The following AFAP1L1 variants were observed in gnomAD, a reference collection of about 807,000 sequenced individuals.
AFAP1L1 encodes the protein actin filament associated protein 1 like 1.
In AFAP1L1, 77 loss-of-function variants were observed where a neutral mutation model predicts 99.8. That is an observed-to-expected ratio of 0.77 (90% CI 0.64 to 0.93). The LOEUF (loss-of-function observed/expected upper bound fraction) is 0.93, where lower values mean the gene tolerates loss of function less well. AFAP1L1 is among the 40% of genes least tolerant of loss of function. The pLI is 0.00. For missense variants in AFAP1L1, 893 were observed against 996.8 expected (o/e 0.90, Z 1.40); for synonymous variants, 373 against 395.3 (o/e 0.94, Z 0.67).
At position 149,342,640 on chromosome 5, in the gene AFAP1L1, G is replaced by T. The variant is rs1291789709; in HGVS notation, c.*2610G>T. Among the ~76,000 whole-genome samples, 1 of 152,210 alleles carries T rather than the reference G, an allele frequency of 6.6e-6. No individual in the cohort carries two copies. The highest frequency in any genetic ancestry group is 1.5e-5 in the Non-Finnish European group (1 of 68,040). On this transcript the variant is annotated 3_prime_UTR_variant, in exon 19 of 19. Coordinates refer to ENST00000296721, the MANE Select transcript of AFAP1L1 (RefSeq NM_152406.4). ...AAAATGCCTTGTTTAGGCCAGGTAT[G>T]GTGGCTCATGCCTGTAATCCCAGCA...
intron 15 of AFAP1L1, among the ~76,000 whole-genome samples, chr5:149,326,557 A>G (rs528683707): frequency 3.4e-5 from 5 of 148,522 alleles, no homozygotes; most frequent in African/African-American, 2.5e-5. Flanking sequence ...AAAAAAAAAA[A>G]AAAAAGAAAG....
Position 149,332,794 on chromosome 5 carries a change from C to T in AFAP1L1, c.2075C>T (p.Ala692Val). 1.9e-6 allele frequency: 3 copies of T among 1,613,334 alleles called. No homozygotes were observed. Among genetic ancestry groups the T allele is most frequent in the Non-Finnish European group, 2.5e-6 (3 of 1,179,972 alleles). ...ATTGACCTGGAGCTGAAGCTGGTGG[C>T]TGTGAAGGAGCGCTTGCAGCAGTCC... ...RRIDLELKLV[A>V]VKERLQQSLA... is the part of the protein sequence containing the mutation. The change falls in exon 17 of 19, where the codon GCT becomes GTT. Residue 692 changes from alanine to valine, a missense_variant. Ala to Val is a moderately conservative substitution (Grantham distance 64). Transcript: ENST00000296721.
At position 149,322,735 on chromosome 5, in the gene AFAP1L1, C is replaced by T; in HGVS notation, c.1810+18C>T. On this transcript the variant is annotated intron_variant, in intron 15 of 18. Coordinates refer to ENST00000296721, the MANE Select transcript of AFAP1L1 (RefSeq NM_152406.4). The stretch of plus-strand genomic sequence containing the variant: ...CGCCTCCAGTGAGTTGTGTGTGGGC[C>T]TCCCCTGCTGACTAGGGAGGAAGGA... 2 of 1,558,710 alleles carry T rather than the reference C, an allele frequency of 1.3e-6. No individual in the cohort carries two copies. Among genetic ancestry groups the T allele is most frequent in the Non-Finnish European group, 1.7e-6 (2 of 1,148,100 alleles).
At chr5:149,317,993 G>GACCAGACCA in intron 12 of AFAP1L1, 53 bp downstream of exon 12, 1 of 1,531,308 alleles carries the variant, frequency 6.5e-7, no homozygotes, top group East Asian at 2.5e-5. Flanking sequence ...ACTCTGGCCT[G>GACCAGACCA]AGTGTCATGT....
intron 5 of AFAP1L1, 67 bp downstream of exon 5, chr5:149,302,593 C>T: frequency 7.4e-7 from 1 of 1,352,728 alleles, no homozygotes; most frequent in East Asian, 2.5e-5. Flanking sequence ...TTAAGTTCCT[C>T]TGTGTCCTGT....
intron 14 of AFAP1L1, among the ~76,000 whole-genome samples, chr5:149,322,228 TTTC>T (rs533131289): frequency 2.0e-5 from 3 of 152,176 alleles, no homozygotes; most frequent in Non-Finnish European, 4.4e-5. Context: ...ATCCAGGACT[TTTC>T]TTCTTGAGGG....
chr5:149,316,830 G>A (rs1756811539), intron 11 of AFAP1L1, among the ~76,000 whole-genome samples: 1 of 152,124 alleles, frequency 6.6e-6, no homozygotes, highest in African/African-American at 2.4e-5. Flanking sequence ...GTATATTTTG[G>A]ATATGCAGTA....
At position 149,319,599 on chromosome 5, in the gene AFAP1L1, C is replaced by T. The variant is rs1756894331; in HGVS notation, c.1497C>T (p.Asp499=). ...VAILEASCSE[D]MGRWLGLLLV... Reference sequence around the variant, plus strand: ...TCCTTCAGGCAAGCTGTTCAGAGGACATGGGTCGCTGGCTCGGGCTGCTGC... The same window carrying T: ...TCCTTCAGGCAAGCTGTTCAGAGGATATGGGTCGCTGGCTCGGGCTGCTGC... The change falls in exon 13 of 19, where the codon GAC becomes GAT. Residue 499 remains aspartate (D), a synonymous_variant. Transcript: ENST00000296721. 2 of 1,611,948 alleles carry T rather than the reference C, an allele frequency of 1.2e-6. No homozygotes were observed. Among genetic ancestry groups the T allele is most frequent in the Admixed American group, 3.3e-5 (2 of 59,876 alleles).
intron 1 of AFAP1L1, 87 bp from the exon 2 acceptor site, chr5:149,299,422 C>T (rs1449980677): frequency 1.5e-5 from 24 of 1,556,432 alleles, no homozygotes; most frequent in Admixed American, 3.6e-5. Flanking sequence ...CCCCTTCCGC[C>T]CAACTCTAGG....
chr5:149,281,152 T>C (rs1055873318), intron 1 of AFAP1L1, among the ~76,000 whole-genome samples: 4 of 151,310 alleles, frequency 2.6e-5, no homozygotes, highest in African/African-American at 9.7e-5. Context: ...GGTGGGGGGG[T>C]TGCTATGGGC....
In AFAP1L1 at chr5:149,312,084, C is replaced by T. The variant is rs142577612; in HGVS notation, c.928-28C>T. ...TGCATCAACAGCTTCCCTGCCCACC[C>T]GTTCACAGCTGTGTGTCCTCTTCAC... is the stretch of plus-strand genomic sequence containing the variant. On this transcript the variant is annotated intron_variant, in intron 8 of 18. Transcript: ENST00000296721. 3.9e-4 allele frequency: 617 copies of T among 1,601,996 alleles called. 1 individual carries two copies. In the African/African-American group the frequency reaches 7.4e-3, roughly 19 times the overall value.
chr5:149,282,108 A>G (rs1755536788), intron 1 of AFAP1L1, among the ~76,000 whole-genome samples: 2 of 152,158 alleles, frequency 1.3e-5, no homozygotes, highest in Non-Finnish European at 1.5e-5. Context: ...TGCCCCAAGT[A>G]GGGAGTGAAG....
chr5:149,329,623 G>A (rs1038683485), intron 15 of AFAP1L1, 43 bp from the exon 16 acceptor site: 9 of 1,554,442 alleles, frequency 5.8e-6, no homozygotes, highest in Non-Finnish European at 7.8e-6. Flanking sequence ...ACCTTTGCCA[G>A]AGGTCAGAAC....
At chr5:149,284,638 GC>G (rs1404886935) in intron 1 of AFAP1L1, among the ~76,000 whole-genome samples, 2 of 152,224 alleles carry the variant, frequency 1.3e-5, no homozygotes, top group African/African-American at 4.8e-5. Context: ...TTGGAGATAA[GC>G]CACAGGGAGT....
chr5:149,327,887 T>A (rs1358017613), intron 15 of AFAP1L1, among the ~76,000 whole-genome samples: 1 of 152,082 alleles, frequency 6.6e-6, no homozygotes. Context: ...AATATTCAAA[T>A]AATGGCTGAA....
rs70973517 is a variant in AFAP1L1, at chr5:149,307,818, T to TTCTC, written c.747+241_747+244dup. Among the ~76,000 whole-genome samples, 877 of 100,562 alleles carry TTCTC rather than the reference T, an allele frequency of 8.7e-3. 60 individuals carry two copies. Among genetic ancestry groups the TTCTC allele is most frequent in the South Asian group, 0.021 (51 of 2,394 alleles). 66.0% of individuals were successfully genotyped at this position (100,562 alleles called of 152,430 possible). A position where few individuals can be genotyped will look rare whatever the true frequency, so the allele number is the denominator to read the frequency against. On this transcript the variant is annotated intron_variant, in intron 7 of 18. Coordinates refer to ENST00000296721, the MANE Select transcript of AFAP1L1 (RefSeq NM_152406.4). ...ACACACACACACCCTGTGCCTCTCT[T>TTCTC]TCTCTCTCTCTCTCTCTCTCTCTCT...
chr5:149,322,580 G>A (rs778350434), intron 14 of AFAP1L1, 26 bp from the exon 15 acceptor site: 4 of 1,541,288 alleles, frequency 2.6e-6, no homozygotes, highest in Non-Finnish European at 3.5e-6. Context: ...GCCTGAACTT[G>A]ACTGTCTTCC....
chr5:149,293,450 C>G (rs796536804), intron 1 of AFAP1L1, among the ~76,000 whole-genome samples: 2 of 152,342 alleles, frequency 1.3e-5, no homozygotes, highest in African/African-American at 4.8e-5. Context: ...TTTCCCCCAA[C>G]TGGTTGTGTG....
intron 15 of AFAP1L1, among the ~76,000 whole-genome samples, chr5:149,325,522 C>T (rs1561682792): frequency 6.6e-6 from 1 of 152,176 alleles, no homozygotes; most frequent in Non-Finnish European, 1.5e-5. Context: ...AATACTGGGG[C>T]CCTGATTGCC....
Sources: gnomAD v4.1 joint callset for allele counts (sites outside exome capture counted in the v4.1 genomes callset) on GRCh38, gnomAD v4.1.1 for gene constraint, MANE v1.5 for transcripts, NCBI Gene and HGNC (gene_info 2026-07-23, HGNC 2026-07-21) for gene names.